The following GABRB3 variants were observed in gnomAD, a reference collection of about 807,000 sequenced individuals.
GABRB3 encodes the protein gamma-aminobutyric acid receptor subunit beta-3.
A neutral mutation model predicts 52.1 loss-of-function variants in GABRB3; 14 were observed. The observed-to-expected ratio is 0.27, with a 90% CI of 0.18 to 0.42. The LOEUF (loss-of-function observed/expected upper bound fraction) is 0.42, where lower values mean the gene tolerates loss of function less well. GABRB3 is among the 10% of genes least tolerant of loss of function. The pLI is 1.00. For missense variants in GABRB3, 307 were observed against 609.1 expected, an observed-to-expected ratio of 0.50 and a Z score of 5.22; for synonymous variants, 260 against 232.3, an observed-to-expected ratio of 1.12 and a Z score of -1.08.
chr15:26,734,363 G>T (rs1198286046), intron 3 of GABRB3, among the ~76,000 whole-genome samples: 1 of 151,886 alleles, frequency 6.6e-6, no homozygotes, highest in Non-Finnish European at 1.5e-5. Flanking sequence ...AAAACACAGG[G>T]CAAAATCTTC....
chr15:26,609,219 G>A (rs1209686773), intron 4 of GABRB3, among the ~76,000 whole-genome samples: 2 of 151,948 alleles, frequency 1.3e-5, no homozygotes. Context: ...ATTATACTAA[G>A]TGAATTACGC....
chr15:26,768,030 G>T (rs1288595946), intron 3 of GABRB3, among the ~76,000 whole-genome samples: 1 of 151,996 alleles, frequency 6.6e-6, no homozygotes, highest in African/African-American at 2.4e-5. Context: ...TTAAAAAAAT[G>T]GATTTTATAA....
chr15:26,551,395 C>T (rs144593720), intron 8 of GABRB3, among the ~76,000 whole-genome samples: 123 of 152,274 alleles, frequency 8.1e-4, no homozygotes, highest in African/African-American at 2.8e-3. Context: ...GCCTGAAGCC[C>T]GTGAATAACT....
upstream of GABRB3, among the ~76,000 whole-genome samples, chr15:26,773,376 G>C (rs561357876): frequency 1.1e-3 from 161 of 151,044 alleles, no homozygotes; most frequent in African/African-American, 3.7e-3. Context: ...GCGCGGAGTC[G>C]GGAGGGGCGG....
intron 3 of GABRB3, among the ~76,000 whole-genome samples, chr15:26,769,224 T>C (rs1891077635): frequency 1.3e-5 from 2 of 152,230 alleles, no homozygotes; most frequent in African/African-American, 4.8e-5. Flanking sequence ...TTCAAAGTCC[T>C]TGTTTTGAAC....
At chr15:26,741,110 G>A (rs1365886623) in intron 3 of GABRB3, among the ~76,000 whole-genome samples, 1 of 150,804 alleles carries the variant, frequency 6.6e-6, no homozygotes, top group Non-Finnish European at 1.5e-5. Flanking sequence ...CAAGCACATA[G>A]CAAAAAAATT....
intron 3 of GABRB3, among the ~76,000 whole-genome samples, chr15:26,690,141 T>C (rs1888542280): frequency 7.1e-6 from 1 of 140,396 alleles, no homozygotes; most frequent in Non-Finnish European, 1.5e-5. Context: ...TCTCACTCTG[T>C]CACCCAGGCT....
chr15:26,545,473 G>A lies in GABRB3; in HGVS notation c.*2320C>T, dbSNP rs781549953. 6.6e-6 allele frequency: 1 copy of A among 152,506 alleles called. No individual in the cohort carries two copies. Among genetic ancestry groups the A allele is most frequent in the Non-Finnish European group, 1.5e-5 (1 of 68,026 alleles). The allele number at this position is 152,506 out of a possible 1,614,324, so 9.4% of individuals were successfully genotyped here. On this transcript the variant is annotated 3_prime_UTR_variant, in exon 9 of 9. Transcript: ENST00000311550. ...AAAGTTTTAAATCACTTTTCTCCCAGAAAGAATTAATGTCACAGTTCTGAA... is the reference window on the plus strand; with the variant it reads ...AAAGTTTTAAATCACTTTTCTCCCAAAAAGAATTAATGTCACAGTTCTGAA...
intron 4 of GABRB3, among the ~76,000 whole-genome samples, chr15:26,588,839 A>G (rs906759239): frequency 2.6e-5 from 4 of 152,192 alleles, no homozygotes; most frequent in African/African-American, 4.8e-5. Context: ...CTTCCCACCC[A>G]TTGTGGAATA....
At chr15:26,671,138 C>A (rs1027726143) in intron 3 of GABRB3, among the ~76,000 whole-genome samples, 1 of 152,104 alleles carries the variant, frequency 6.6e-6, no homozygotes, top group Non-Finnish European at 1.5e-5. Flanking sequence ...AACATTATGC[C>A]AATCAAGAAG....
rs144119278 is a variant in GABRB3 at position 26,585,645 on chromosome 15, C to T, written c.462-2231G>A. Among the ~76,000 whole-genome samples, 10 of 152,324 alleles carry T rather than the reference C, an allele frequency of 6.6e-5. No individual in the cohort carries two copies. In the East Asian group the frequency reaches 1.9e-3, roughly 29 times the overall value. The stretch of plus-strand genomic sequence containing the variant: ...TTTTTATGCAAATAGCATGCATGCA[C>T]CATGCAGACATCATCAATAAAATCC... On this transcript the variant is annotated intron_variant, in intron 4 of 8. Transcript: ENST00000311550.
intron 3 of GABRB3, among the ~76,000 whole-genome samples, chr15:26,759,433 G>T (rs1168462553): frequency 6.6e-6 from 1 of 152,088 alleles, no homozygotes; most frequent in Non-Finnish European, 1.5e-5. Context: ...GCTAATTTTT[G>T]TATTTTTAGT....
chr15:26,730,310 C>G (rs958168316), intron 3 of GABRB3, among the ~76,000 whole-genome samples: 1 of 149,306 alleles, frequency 6.7e-6, no homozygotes, highest in Non-Finnish European at 1.5e-5. Context: ...CCCAGCTACT[C>G]GGGAGGCTGA....
chr15:26,699,205 G>A (rs1166538186), intron 3 of GABRB3, among the ~76,000 whole-genome samples: 2 of 152,064 alleles, frequency 1.3e-5, no homozygotes, highest in Non-Finnish European at 2.9e-5. Flanking sequence ...TAGGGCATGA[G>A]ATGGAGTACA....
At chr15:26,665,227 A>G (rs562534832) in intron 3 of GABRB3, among the ~76,000 whole-genome samples, 3 of 152,346 alleles carry the variant, frequency 2.0e-5, no homozygotes, top group East Asian at 1.9e-4. Flanking sequence ...CCTGTTAACC[A>G]TGACCACTTT....
intron 3 of GABRB3, among the ~76,000 whole-genome samples, chr15:26,719,275 C>A (rs558904248): frequency 1.3e-5 from 2 of 152,368 alleles, no homozygotes; most frequent in South Asian, 4.1e-4. Flanking sequence ...AACGACCCTG[C>A]TCAGCACGGA....
At chr15:26,672,143 A>T (rs538281824) in intron 3 of GABRB3, among the ~76,000 whole-genome samples, 1 of 152,282 alleles carries the variant, frequency 6.6e-6, no homozygotes, top group African/African-American at 2.4e-5. Context: ...TGGAAGGTCC[A>T]GAACGTGCCA....
intron 3 of GABRB3, among the ~76,000 whole-genome samples, chr15:26,671,130 C>A (rs1246348918): frequency 3.3e-5 from 5 of 152,152 alleles, no homozygotes; most frequent in South Asian, 4.1e-4. Flanking sequence ...GAAATGACAA[C>A]ATTATGCCAA....
intron 3 of GABRB3, among the ~76,000 whole-genome samples, chr15:26,648,940 G>A (rs1388158844): frequency 6.6e-6 from 1 of 152,146 alleles, no homozygotes; most frequent in Non-Finnish European, 1.5e-5. Context: ...CAGAGTGGGT[G>A]GCAGGAGGAG....
Sources: allele counts gnomAD v4.1 joint callset (sites outside exome capture counted in the v4.1 genomes callset), GRCh38; gene constraint gnomAD v4.1.1; transcripts MANE v1.5; gene names NCBI Gene and HGNC (gene_info 2026-07-23, HGNC 2026-07-21).